The following LRRC7 variants were observed in gnomAD, a reference collection of about 807,000 sequenced individuals.
The protein encoded by LRRC7 is leucine rich repeat containing 7, also known as leucine-rich repeat-containing protein 7.
LRRC7 carries 23 observed loss-of-function variants against 175.7 expected under a neutral mutation model. That is an observed-to-expected ratio of 0.13 (90% confidence interval 0.09 to 0.19). The LOEUF is 0.19. Ranked by LOEUF, LRRC7 falls within the 10% of genes least tolerant of loss-of-function variation. The pLI, the probability that LRRC7 is intolerant of heterozygous loss-of-function variation, is 1.00. For missense variants in LRRC7, 1,354 were observed against 1,904.7 expected, an observed-to-expected ratio of 0.71 and a Z score of 5.38; for synonymous variants, 685 against 680.9, an observed-to-expected ratio of 1.01 and a Z score of -0.09.
chr1:69,925,032 G>T (rs1239912511), intron 7 of LRRC7, among the ~76,000 whole-genome samples: 2 of 152,046 alleles, frequency 1.3e-5, no homozygotes, highest in African/African-American at 4.8e-5. Context: ...TTTGTCAAAG[G>T]CCTTTTCTGC....
At chr1:69,800,124 T>G (rs192167058) in intron 4 of LRRC7, among the ~76,000 whole-genome samples, 6 of 152,172 alleles carry the variant, frequency 3.9e-5, no homozygotes, top group African/African-American at 1.4e-4. Context: ...ACAAGTACCA[T>G]GTTGTTTTTG....
At position 69,631,201 on chromosome 1, in the gene LRRC7, T is replaced by C. The variant is rs189565596; in HGVS notation, c.3-47180T>C. ...CCTATTATACCTTAATTCACTGCAATGTGGATTTCTGTCTTCACTGGTCGA... is the reference window on the plus strand; with the variant it reads ...CCTATTATACCTTAATTCACTGCAACGTGGATTTCTGTCTTCACTGGTCGA... On this transcript the variant is annotated intron_variant, in intron 1 of 26. Coordinates refer to ENST00000651989, the MANE Select transcript of LRRC7 (RefSeq NM_001370785.2). Among the ~76,000 whole-genome samples the C allele has an allele frequency of 1.1e-3, 165 of 152,276 alleles. 1 individual carries two copies. Among genetic ancestry groups the C allele is most frequent in the Admixed American group, 3.9e-3 (60 of 15,292 alleles).
At chr1:69,992,232 T>A (rs1654509113) in intron 10 of LRRC7, among the ~76,000 whole-genome samples, 1 of 152,164 alleles carries the variant, frequency 6.6e-6, no homozygotes, top group Non-Finnish European at 1.5e-5. Flanking sequence ...CCTTTCAAAG[T>A]TCTATTATAT....
At chr1:70,008,122 C>T (rs2101942986) in intron 11 of LRRC7, among the ~76,000 whole-genome samples, 1 of 152,250 alleles carries the variant, frequency 6.6e-6, no homozygotes, top group Middle Eastern at 3.4e-3. Flanking sequence ...CTCCTAGTCC[C>T]AAAACTGAAG....
intron 5 of LRRC7, among the ~76,000 whole-genome samples, chr1:69,834,143 GA>G (rs2101322774): frequency 6.6e-6 from 1 of 151,718 alleles, no homozygotes; most frequent in East Asian, 1.9e-4. Context: ...TTAATTTTTT[GA>G]TGCAGTTTAT....
At chr1:69,796,043 G>A (rs1290775880) in intron 4 of LRRC7, among the ~76,000 whole-genome samples, 2 of 151,130 alleles carry the variant, frequency 1.3e-5, no homozygotes, top group Non-Finnish European at 2.9e-5. Context: ...CATGTGCCAT[G>A]TTGGTGTGCT....
At chr1:70,074,230 CA>C (rs1452127400) in intron 23 of LRRC7, among the ~76,000 whole-genome samples, 6 of 150,720 alleles carry the variant, frequency 4.0e-5, no homozygotes, top group Non-Finnish European at 7.4e-5. Flanking sequence ...TACATCCGAT[CA>C]AAATGTGATA....
At chr1:69,648,525 G>T (rs1464148649) in intron 1 of LRRC7, among the ~76,000 whole-genome samples, 1 of 152,192 alleles carries the variant, frequency 6.6e-6, no homozygotes, top group Non-Finnish European at 1.5e-5. Flanking sequence ...AGAAGAAAGA[G>T]AAATGGGAAA....
At chr1:69,676,726 C>T (rs1659818979) in intron 1 of LRRC7, among the ~76,000 whole-genome samples, 1 of 151,996 alleles carries the variant, frequency 6.6e-6, no homozygotes, top group Non-Finnish European at 1.5e-5. Context: ...CTGATTCAGT[C>T]ATTAGTATGG....
rs75699909 is a variant in LRRC7 at position 69,604,229 on chromosome 1, A to G, written c.2+35588A>G. Among the ~76,000 whole-genome samples, 1,239 of 152,274 alleles carry G rather than the reference A, an allele frequency of 8.1e-3. 18 individuals are homozygous for G. Among genetic ancestry groups the G allele is most frequent in the African/African-American group, 0.029 (1,204 of 41,570 alleles). ...AAACTCCAAACCTCTCAAAAATTGT[A>G]TAGTTTGCTAATTTTACATGATTTG... On this transcript the variant is annotated intron_variant, in intron 1 of 26. Coordinates refer to ENST00000651989, the MANE Select transcript of LRRC7 (RefSeq NM_001370785.2).
Position 70,128,961 on chromosome 1 carries a change from C to T in LRRC7, c.*7074C>T, listed in dbSNP as rs1319404131. 2.6e-5 allele frequency among the ~76,000 whole-genome samples: 4 copies of T among 151,896 alleles called. No homozygotes were observed. Among genetic ancestry groups the T allele is most frequent in the African/African-American group, 4.8e-5 (2 of 41,352 alleles). ...CACACAGCTCACATAAAGAGTGTCA[C>T]GAAGCCGGGTGCGGTGACTTATGCC... On this transcript the variant is annotated 3_prime_UTR_variant, in exon 27 of 27. Transcript: ENST00000651989.
intron 4 of LRRC7, among the ~76,000 whole-genome samples, chr1:69,799,423 A>G (rs996156524): frequency 6.6e-6 from 1 of 152,006 alleles, no homozygotes; most frequent in Non-Finnish European, 1.5e-5. Flanking sequence ...ATGTGTACAC[A>G]CTGTTTAGCT....
intron 2 of LRRC7, among the ~76,000 whole-genome samples, chr1:69,713,492 T>C (rs1196278705): frequency 6.6e-6 from 1 of 151,936 alleles, no homozygotes; most frequent in Non-Finnish European, 1.5e-5. Context: ...CGAGACCCTG[T>C]CTCAAAAACA....
At chr1:69,944,820 A>G (rs139780576) in intron 8 of LRRC7, among the ~76,000 whole-genome samples, 45 of 152,078 alleles carry the variant, frequency 3.0e-4, no homozygotes, top group Admixed American at 3.9e-4. Flanking sequence ...TTTTTTAAGA[A>G]ATGACTCTTA....
chr1:70,050,811 C>G (rs1354395645), intron 22 of LRRC7, among the ~76,000 whole-genome samples: 1 of 151,986 alleles, frequency 6.6e-6, no homozygotes. Flanking sequence ...CCACCATCAC[C>G]AAATGTCAAT....
In LRRC7 at chr1:70,056,101, C is replaced by G. The variant is rs1220584625; in HGVS notation, c.4230+2956C>G. The stretch of plus-strand genomic sequence containing the variant: ...TTGATTTGAGGTAGCTTTAAGGCAT[C>G]CGAGTGGAAATGTGCAGTGGATGTT... On this transcript the variant is annotated intron_variant, in intron 23 of 26. Coordinates refer to ENST00000651989, the MANE Select transcript of LRRC7 (RefSeq NM_001370785.2). 5.3e-5 allele frequency among the ~76,000 whole-genome samples: 8 copies of G among 152,204 alleles called. No individual in the cohort carries two copies. In the East Asian group the frequency reaches 1.5e-3, roughly 29 times the overall value.
intron 7 of LRRC7, among the ~76,000 whole-genome samples, chr1:69,894,772 T>C (rs1473844108): frequency 6.6e-6 from 1 of 152,188 alleles, no homozygotes; most frequent in Non-Finnish European, 1.5e-5. Context: ...ATATCTCTAA[T>C]ATGAGGCACC....
At chr1:69,674,509 A>G (rs866894827) in intron 1 of LRRC7, among the ~76,000 whole-genome samples, 1 of 152,158 alleles carries the variant, frequency 6.6e-6, no homozygotes, top group Non-Finnish European at 1.5e-5. Context: ...ATTACAAAAT[A>G]TTTTAATTGT....
intron 20 of LRRC7, 122 bp from the exon 21 acceptor site, chr1:70,037,991 G>C: frequency 8.0e-7 from 1 of 1,251,456 alleles, no homozygotes; most frequent in Non-Finnish European, 1.1e-6. Flanking sequence ...TTAATCATAA[G>C]TCAGGTGAGG....
Sources: allele counts gnomAD v4.1 joint callset (sites outside exome capture counted in the v4.1 genomes callset), GRCh38; gene constraint gnomAD v4.1.1; transcripts MANE v1.5; gene names NCBI Gene and HGNC (gene_info 2026-07-23, HGNC 2026-07-21).